Variants in UVSSA observed in about 807,000 individuals in gnomAD.
UVSSA encodes UV-stimulated scaffold protein A.
Under a neutral mutation model 73.9 loss-of-function variants are expected in UVSSA, and 72 were observed. The ratio of observed to expected loss-of-function variants is 0.97; its 90% CI spans 0.81 to 1.19. UVSSA has a LOEUF of 1.19. Ranked by LOEUF, UVSSA falls within the 50% of genes most tolerant of loss-of-function variation. UVSSA has a pLI of 0.00. For synonymous variants in UVSSA, 454 were observed against 391.3 expected (o/e 1.16, Z -1.89); for missense variants, 1,150 against 965.0 (o/e 1.19, Z -2.54).
Position 1,395,198 on chromosome 4 carries a change from G to A in UVSSA, c.*9237G>A, listed in dbSNP as rs753921780. The stretch of plus-strand genomic sequence containing the variant: ...TCACACGTGCCGATGCGGAGTGCCC[G>A]CCTGCTCACACGTGCCGATGCGGAG... On this transcript the variant is annotated 3_prime_UTR_variant, in exon 14 of 14. Transcript: ENST00000511216. The A allele has an allele frequency of 2.3e-5, 33 of 1,440,658 alleles. 4 individuals carry two copies. The highest frequency in any genetic ancestry group is 7.5e-5 in the African/African-American group (4 of 53,186). The allele number at this position is 1,440,658 out of a possible 1,614,324, so 89.2% of individuals were successfully genotyped here.
chr4:1,372,328 T>A (rs1419057557), intron 8 of UVSSA, among the ~76,000 whole-genome samples: 1 of 151,020 alleles, frequency 6.6e-6, no homozygotes, highest in Non-Finnish European at 1.5e-5. Flanking sequence ...TGGCGGCCTG[T>A]CACGCGTCCA....
chr4:1,349,475 C>T (rs1448600538), intron 2 of UVSSA, 49 bp from the exon 3 acceptor site: 3 of 1,573,464 alleles, frequency 1.9e-6, no homozygotes, highest in Non-Finnish European at 2.6e-6. Context: ...CTCCCCCCGC[C>T]CATCCTCTGC....
chr4:1,345,777 A>C (rs561765777), upstream of UVSSA, among the ~76,000 whole-genome samples: 10 of 151,546 alleles, frequency 6.6e-5, no homozygotes, highest in African/African-American at 2.4e-4. Flanking sequence ...TGTAAAGGAG[A>C]CTGGACTTAG....
At chr4:1,383,667 C>G in intron 12 of UVSSA, 99 bp from the exon 13 acceptor site, 1 of 1,484,722 alleles carries the variant, frequency 6.7e-7, no homozygotes, top group African/African-American at 1.4e-5. Flanking sequence ...GACCCAGCCC[C>G]CCTGTCAGGA....
intron 8 of UVSSA, among the ~76,000 whole-genome samples, chr4:1,367,985 C>T (rs913565489): frequency 6.6e-6 from 1 of 152,274 alleles, no homozygotes; most frequent in Non-Finnish European, 1.5e-5. Context: ...TTGGCCGCTG[C>T]AATCTCCTTC....
chr4:1,361,744 G>A (rs1459847106), intron 7 of UVSSA, among the ~76,000 whole-genome samples: 2 of 152,162 alleles, frequency 1.3e-5, no homozygotes. Flanking sequence ...AGCTGAGCAC[G>A]TTTAATTTTT....
intron 10 of UVSSA, 89 bp downstream of exon 10, chr4:1,376,257 G>C: frequency 6.9e-7 from 1 of 1,456,100 alleles, no homozygotes; most frequent in Non-Finnish European, 9.1e-7. Flanking sequence ...GGCCTCCCTG[G>C]GTCTGAGGAA....
At chr4:1,349,020 C>T (rs1277470538) in intron 2 of UVSSA, among the ~76,000 whole-genome samples, 1 of 59,120 alleles carries the variant, frequency 1.7e-5, no homozygotes, top group East Asian at 2.4e-4. Flanking sequence ...GGGCGGTGTG[C>T]GGTTTGTGCC....
exon 14 of UVSSA, chr4:1,394,344 C>T (rs1720470778): frequency 8.3e-7 from 1 of 1,207,482 alleles, no homozygotes; most frequent in Non-Finnish European, 1.1e-6. Flanking sequence ...TGCTCTTCCC[C>T]CTTAAAGATT....
At chr4:1,350,074 A>G in intron 3 of UVSSA, among the ~76,000 whole-genome samples, 1 of 152,166 alleles carries the variant, frequency 6.6e-6, no homozygotes, top group East Asian at 1.9e-4. Context: ...CTCTGAGAGG[A>G]AGAGCATAAG....
At chr4:1,383,358 C>T (rs2109310749) in intron 12 of UVSSA, among the ~76,000 whole-genome samples, 1 of 152,312 alleles carries the variant, frequency 6.6e-6, no homozygotes, top group East Asian at 1.9e-4. Context: ...GGGCACGGTC[C>T]AGCCTGCAGG....
chr4:1,376,216 C>T, intron 10 of UVSSA, 48 bp downstream of exon 10: 5 of 1,559,052 alleles, frequency 3.2e-6, no homozygotes, highest in Non-Finnish European at 4.4e-6. Context: ...AACCAGGGTC[C>T]CAGCCTGAGG....
chr4:1,356,391 G>C (rs2109118275), intron 7 of UVSSA, among the ~76,000 whole-genome samples: 1 of 152,312 alleles, frequency 6.6e-6, no homozygotes, highest in African/African-American at 2.4e-5. Flanking sequence ...GGGGCCAGCA[G>C]AGGGCGAGCT....
At position 1,375,400 on chromosome 4, in the gene UVSSA, G is replaced by A. The variant is rs762920566; in HGVS notation, c.1325G>A (p.Arg442Gln). ...GCACCAGAGAAAGACACAGTTGTGC[G>A]GTGCTTGCGGACGAGGACGAGGATG... ...EAAPEKDTVV[R>Q]CLRTRTRMDE... Residue 442 changes from arginine to glutamine, a missense_variant, in exon 9 of 14, where the codon CGG (arginine) becomes CAG (glutamine). By Grantham distance (43) the Arg-to-Gln change is conservative (BLOSUM62 1). Transcript: ENST00000389851. The A allele has an allele frequency of 4.0e-5, 65 of 1,613,500 alleles. No individual in the cohort carries two copies. Among genetic ancestry groups the A allele is most frequent in the East Asian group, 8.9e-5 (4 of 44,890 alleles).
rs536749926 is a variant in UVSSA at position 1,380,197 on chromosome 4, C to A, written c.1719C>A (p.Asp573Glu). ...ACTGGTGCCGTGCCCCGAGGCCAGA[C>A]GGCCGGCTCTGTGAGCGCCAAGACC... ...VQHWCRAPRP[D>E]GRLCERQDRL... Residue 573 changes from aspartate to glutamate, a missense_variant, in exon 11 of 14, where the codon GAC becomes GAA. Physicochemically the swap from Asp to Glu is conservative, Grantham distance 45. Transcript: ENST00000389851. The A allele has an allele frequency of 6.2e-7, 1 of 1,612,640 alleles. No individual in the cohort carries two copies. The highest frequency in any genetic ancestry group is 8.5e-7 in the Non-Finnish European group (1 of 1,179,832).
exon 14 of UVSSA, chr4:1,394,668 G>A: frequency 6.3e-7 from 1 of 1,586,580 alleles, no homozygotes; most frequent in South Asian, 1.1e-5. Context: ...CATGTGGAGT[G>A]CCCGCCTGCT....
At chr4:1,346,052 G>A (rs1420571582), upstream of UVSSA, among the ~76,000 whole-genome samples, 1 of 152,174 alleles carries the variant, frequency 6.6e-6, no homozygotes, top group Non-Finnish European at 1.5e-5. Flanking sequence ...AGCGGCTCGG[G>A]GCTGGCTGCA....
chr4:1,366,400 A>G lies in UVSSA; in HGVS notation c.1257A>G (p.Pro419=), dbSNP rs1717330741. The G allele has an allele frequency of 1.9e-6, 3 of 1,613,186 alleles. No individual in the cohort carries two copies. Among genetic ancestry groups the G allele is most frequent in the Non-Finnish European group, 2.5e-6 (3 of 1,179,592 alleles). The stretch of plus-strand genomic sequence containing the variant: ...TCCCTGAGAAGGAGGGGTATGAGCC[A>G]CACATCCCCGACCACTTGCGGCCTG... ...VEVPEKEGYE[P]HIPDHLRPEY... The change falls in exon 8 of 14, where the codon CCA becomes CCG. Residue 419 remains proline, a synonymous_variant. Coordinates refer to ENST00000389851, the MANE Select transcript of UVSSA (RefSeq NM_020894.4).
upstream of UVSSA, among the ~76,000 whole-genome samples, chr4:1,343,346 C>G (rs1007848908): frequency 1.3e-5 from 2 of 152,132 alleles, no homozygotes; most frequent in Admixed American, 6.5e-5. Flanking sequence ...CCTAGAATCT[C>G]ATTTAACGTT....
Sources: gnomAD v4.1 joint callset for allele counts (sites outside exome capture counted in the v4.1 genomes callset) on GRCh38, gnomAD v4.1.1 for gene constraint, MANE v1.5 for transcripts, NCBI Gene and HGNC (gene_info 2026-07-23, HGNC 2026-07-21) for gene names.